The following SPIDR variants were observed in gnomAD, a reference collection of about 807,000 sequenced individuals.
The protein encoded by SPIDR is scaffold protein involved in DNA repair, also known as DNA repair-scaffolding protein.
In SPIDR, 93 loss-of-function variants were observed where a neutral mutation model predicts 104.6. The ratio of observed to expected loss-of-function variants is 0.89; its 90% CI spans 0.75 to 1.06. The LOEUF is 1.06. Among genes scored for constraint, SPIDR ranks in the 50% least tolerant of loss-of-function variants. The pLI is 0.00. For synonymous variants in SPIDR, 431 were observed against 416.9 expected, an observed-to-expected ratio of 1.03 and a Z score of -0.41; for missense variants, 1,154 against 1,111.2, an observed-to-expected ratio of 1.04 and a Z score of -0.55.
At position 47,701,984 on chromosome 8, in the gene SPIDR, T is replaced by G; in HGVS notation, c.1946T>G (p.Phe649Cys). The G allele has an allele frequency of 1.2e-6, 2 of 1,614,046 alleles. No individual in the cohort carries two copies. Among genetic ancestry groups the G allele is most frequent in the African/African-American group, 1.3e-5 (1 of 74,962 alleles). Residue 649 changes from phenylalanine (F) to cysteine (C), a missense_variant, in exon 14 of 20, where the codon TTC becomes TGC. Phe to Cys is a radical substitution (Grantham distance 205). Coordinates refer to ENST00000297423, the MANE Select transcript of SPIDR (RefSeq NM_001080394.4). ...QMNDLGTRCS[F>C]YATVIYQKPQ... ...AATGATCTTGGTACCCGTTGCAGTT[T>G]CTATGCCACGGTGATTTACCAAAAA...
chr8:47,415,685 A>G (rs991127617), intron 7 of SPIDR, among the ~76,000 whole-genome samples: 1 of 152,200 alleles, frequency 6.6e-6, no homozygotes, highest in South Asian at 2.1e-4. Context: ...CACTAGGCAC[A>G]GAGTCTGCCA....
intron 11 of SPIDR, among the ~76,000 whole-genome samples, chr8:47,677,207 T>C (rs1053160142): frequency 1.3e-5 from 2 of 152,160 alleles, no homozygotes; most frequent in African/African-American, 4.8e-5. Context: ...AAGTGGCCTG[T>C]GCGGCACTTT....
intron 8 of SPIDR, among the ~76,000 whole-genome samples, chr8:47,575,071 T>G (rs923136822): frequency 1.2e-4 from 18 of 152,194 alleles, no homozygotes; most frequent in Admixed American, 7.8e-4. Context: ...TGATTGGTTC[T>G]TCATCCTATC....
intron 5 of SPIDR, among the ~76,000 whole-genome samples, chr8:47,394,409 C>T (rs978168124): frequency 1.3e-5 from 2 of 152,300 alleles, no homozygotes; most frequent in South Asian, 4.1e-4. Flanking sequence ...CCCAAGCCGC[C>T]TGTGGTTGGT....
chr8:47,651,029 G>T (rs2071516509), intron 10 of SPIDR, among the ~76,000 whole-genome samples: 1 of 151,992 alleles, frequency 6.6e-6, no homozygotes, highest in African/African-American at 2.4e-5. Flanking sequence ...AACTCTTCTG[G>T]ACATCCCCTA....
intron 5 of SPIDR, among the ~76,000 whole-genome samples, chr8:47,368,468 G>T (rs534182696): frequency 1.4e-5 from 2 of 139,540 alleles, no homozygotes; most frequent in African/African-American, 2.6e-5. Flanking sequence ...TCAGTAATTA[G>T]AATTAAAAAG....
At chr8:47,328,262 A>T (rs2048037548) in intron 5 of SPIDR, among the ~76,000 whole-genome samples, 1 of 144,878 alleles carries the variant, frequency 6.9e-6, no homozygotes. Flanking sequence ...GTCCAACTAC[A>T]TTTTTTTTTT....
At chr8:47,718,275 A>G (rs2082861762) in intron 16 of SPIDR, among the ~76,000 whole-genome samples, 2 of 152,218 alleles carry the variant, frequency 1.3e-5, no homozygotes, top group Non-Finnish European at 2.9e-5. Context: ...TGCTCATCCA[A>G]TGCTGTTCCC....
rs1004430606 is a variant in SPIDR, at chr8:47,668,540, A to G, written c.1545-5261A>G. 9.9e-5 allele frequency among the ~76,000 whole-genome samples: 15 copies of G among 152,202 alleles called. No homozygotes were observed. In the South Asian group the frequency reaches 1.7e-3, roughly 17 times the overall value. On this transcript the variant is annotated intron_variant, in intron 10 of 19. Coordinates refer to ENST00000297423, the MANE Select transcript of SPIDR (RefSeq NM_001080394.4). ...GGTGAAGGACATCTACAAAAAACCA[A>G]AAATGAAAAACTACCAACAATAAAA...
At chr8:47,383,210 T>C (rs2059524688) in intron 5 of SPIDR, among the ~76,000 whole-genome samples, 1 of 152,202 alleles carries the variant, frequency 6.6e-6, no homozygotes, top group Non-Finnish European at 1.5e-5. Context: ...TTTGTGCTGG[T>C]CCTCTTGAGC....
At chr8:47,671,022 A>C (rs544414492) in intron 10 of SPIDR, among the ~76,000 whole-genome samples, 1 of 152,008 alleles carries the variant, frequency 6.6e-6, no homozygotes, top group Non-Finnish European at 1.5e-5. Context: ...GGATCCTCCC[A>C]CCTCAGCCTT....
chr8:47,341,851 A>G (rs75600236), intron 5 of SPIDR, among the ~76,000 whole-genome samples: 9 of 152,302 alleles, frequency 5.9e-5, no homozygotes, highest in South Asian at 4.1e-4. Flanking sequence ...CAGCAGCACT[A>G]TCTGGCTTGG....
chr8:47,428,177 G>A (rs1554686573), intron 7 of SPIDR, among the ~76,000 whole-genome samples: 1 of 152,204 alleles, frequency 6.6e-6, no homozygotes, highest in East Asian at 1.9e-4. Flanking sequence ...ATCTGCCTTG[G>A]CCTCCCAAAG....
intron 8 of SPIDR, among the ~76,000 whole-genome samples, chr8:47,448,624 A>T (rs1264024677): frequency 7.9e-5 from 12 of 152,066 alleles, no homozygotes; most frequent in African/African-American, 2.9e-4. Flanking sequence ...TAGGTAGGTC[A>T]GTAGGGTGGG....
At chr8:47,401,144 G>C (rs1307791865) in intron 6 of SPIDR, among the ~76,000 whole-genome samples, 3 of 152,172 alleles carry the variant, frequency 2.0e-5, no homozygotes, top group African/African-American at 7.2e-5. Context: ...TCTCTCGGCA[G>C]ACACTCTAGA....
chr8:47,286,637 G>A (rs1489459388), intron 3 of SPIDR, among the ~76,000 whole-genome samples: 1 of 151,950 alleles, frequency 6.6e-6, no homozygotes, highest in Non-Finnish European at 1.5e-5. Flanking sequence ...AAAAACCAGG[G>A]AAAATACTGT....
At chr8:47,539,416 C>A (rs1416918328) in intron 8 of SPIDR, among the ~76,000 whole-genome samples, 1 of 152,188 alleles carries the variant, frequency 6.6e-6, no homozygotes, top group East Asian at 1.9e-4. Context: ...ACACAGGGCC[C>A]ATCCTACCTG....
intron 14 of SPIDR, among the ~76,000 whole-genome samples, chr8:47,703,673 A>G (rs2080658772): frequency 6.6e-6 from 1 of 152,214 alleles, no homozygotes; most frequent in South Asian, 2.1e-4. Flanking sequence ...CGGTTTTTTA[A>G]CCATTTAAAA....
intron 5 of SPIDR, among the ~76,000 whole-genome samples, chr8:47,319,183 C>T (rs557975269): frequency 5.9e-5 from 9 of 152,226 alleles, no homozygotes; most frequent in South Asian, 2.1e-4. Context: ...CATCAGTGTG[C>T]GGTATTCAGG....
Sources: allele counts gnomAD v4.1 joint callset (sites outside exome capture counted in the v4.1 genomes callset), GRCh38; gene constraint gnomAD v4.1.1; transcripts MANE v1.5; gene names NCBI Gene and HGNC (gene_info 2026-07-23, HGNC 2026-07-21).